The following SPTBN1 variants were observed in gnomAD, a reference collection of about 807,000 sequenced individuals.
The protein encoded by SPTBN1 is spectrin beta, non-erythrocytic 1, also known as spectrin beta chain, non-erythrocytic 1.
Under a neutral mutation model 266.4 loss-of-function variants are expected in SPTBN1, and 32 were observed. The ratio of observed to expected loss-of-function variants is 0.12; its 90% CI spans 0.09 to 0.16. SPTBN1 has a LOEUF of 0.16. Ranked by LOEUF, SPTBN1 falls within the 10% of genes least tolerant of loss-of-function variation. The pLI is 1.00. For synonymous variants in SPTBN1, 1,336 were observed against 1,162.2 expected (o/e 1.15, Z -3.04); for missense variants, 2,296 against 3,067.1 (o/e 0.75, Z 5.94).
At chr2:54,572,554 T>C (rs953048517) in intron 2 of SPTBN1, among the ~76,000 whole-genome samples, 1 of 152,218 alleles carries the variant, frequency 6.6e-6, no homozygotes, top group African/African-American at 2.4e-5. Context: ...GCAAACTTGG[T>C]CTTTTAAACT....
chr2:54,591,173 T>C (rs1398263065), intron 2 of SPTBN1, among the ~76,000 whole-genome samples: 1 of 152,240 alleles, frequency 6.6e-6, no homozygotes, highest in Non-Finnish European at 1.5e-5. Flanking sequence ...GACTTTATCT[T>C]AGACACAGAG....
At chr2:54,503,445 C>G (rs1669382692) in intron 1 of SPTBN1, among the ~76,000 whole-genome samples, 2 of 152,226 alleles carry the variant, frequency 1.3e-5, no homozygotes, top group South Asian at 2.1e-4. Flanking sequence ...ACAAGATGCT[C>G]TTCAGAGAAA....
At chr2:54,534,808 C>G (rs747017173) in intron 2 of SPTBN1, among the ~76,000 whole-genome samples, 23 of 152,176 alleles carry the variant, frequency 1.5e-4, no homozygotes, top group Non-Finnish European at 2.6e-4. Flanking sequence ...AGATGGAAGC[C>G]TCGTGCTCCC....
In SPTBN1 at chr2:54,540,285, A is replaced by C. The variant is rs1573373156; in HGVS notation, c.148+13719A>C. ...AATCCTGGAGTTTAATCTTTCTCCT[A>C]CCAGAATATTTGTCTTAGATTTTCA... On this transcript the variant is annotated intron_variant, in intron 2 of 35. Coordinates refer to ENST00000356805, the MANE Select transcript of SPTBN1 (RefSeq NM_003128.3). The surrounding 1 kb of genome is among the most constrained non-coding windows in gnomAD (Gnocchi z 5.6). Among the ~76,000 whole-genome samples, 2 of 152,156 alleles carry C rather than the reference A, an allele frequency of 1.3e-5. No homozygotes were observed. The highest frequency in any genetic ancestry group is 3.8e-4 in the East Asian group (2 of 5,200).
intron 2 of SPTBN1, chr2:54,527,317 T>C (rs1670877389): frequency 6.6e-6 from 1 of 152,254 alleles, no homozygotes; most frequent in Admixed American, 6.5e-5. Context: ...AGATGAAGTT[T>C]ATTCCAAATG....
rs878890988 is a variant in SPTBN1, at chr2:54,649,862, T to G, written c.5450T>G (p.Ile1817Ser). Residue 1817 changes from isoleucine (I) to serine (S), a missense_variant, in exon 26 of 36, where the codon ATC (isoleucine) becomes AGC (serine). Transcript: ENST00000356805. This position sits in a 1 kb window ranked among gnomAD's most constrained non-coding sequence, Gnocchi z 6.7. ...LHKFYHDAKE[I>S]FGRIQDKHKK... is the part of the protein sequence containing the mutation. ...AAGTTTTACCACGATGCCAAGGAGA[T>G]CTTTGGGCGTATACAGGACAAACAC... 2.5e-6 allele frequency: 4 copies of G among 1,613,972 alleles called. No homozygotes were observed. The highest frequency in any genetic ancestry group is 1.3e-5 in the African/African-American group (1 of 74,864).
chr2:54,606,305 C>T (rs549431864), intron 3 of SPTBN1, among the ~76,000 whole-genome samples: 3 of 152,262 alleles, frequency 2.0e-5, no homozygotes, highest in Non-Finnish European at 4.4e-5. Context: ...TCCACACTGT[C>T]GCCTCCACCC....
chr2:54,471,800 A>ATT (rs56043354), intron 1 of SPTBN1, among the ~76,000 whole-genome samples: 6 of 102,718 alleles, frequency 5.8e-5, no homozygotes, highest in African/African-American at 1.5e-4. Flanking sequence ...TTTTTTATCG[A>ATT]TTTTTTTTTT....
intron 1 of SPTBN1, among the ~76,000 whole-genome samples, chr2:54,464,676 T>A (rs1028821584): frequency 6.6e-6 from 1 of 152,078 alleles, no homozygotes; most frequent in African/African-American, 2.4e-5. Flanking sequence ...GGAACTTTTT[T>A]TTGTTTTATT....
intron 1 of SPTBN1, among the ~76,000 whole-genome samples, chr2:54,493,254 C>A (rs890978453): frequency 1.3e-5 from 2 of 152,100 alleles, no homozygotes; most frequent in African/African-American, 4.8e-5. Context: ...AATCCTCCCA[C>A]CTCAGCCTCC....
At position 54,671,350 on chromosome 2, in the gene SPTBN1, CTG is replaced by C. The variant is rs986023145; in HGVS notation, c.*2783_*2784del. The C allele has an allele frequency of 2.8e-4, 43 of 152,190 alleles. No individual in the cohort carries two copies. Among genetic ancestry groups the C allele is most frequent in the African/African-American group, 1.0e-3 (43 of 41,422 alleles). 9.4% of individuals were successfully genotyped at this position (152,190 alleles called of 1,614,324 possible). On this transcript the variant is annotated 3_prime_UTR_variant, in exon 36 of 36. Transcript: ENST00000356805. ...TTGTCATTTCACCAAGTTCCTGGAA[CTG>C]TTAGAATTGCTTGTGTATGGGGATC... is the stretch of plus-strand genomic sequence containing the variant.
Position 54,487,832 on chromosome 2 carries a change from C to CTCTTTTTTTTTTTTTT in SPTBN1, c.-48+31315_-48+31316insCTTTTTTTTTTTTTTT, listed in dbSNP as rs1426296541. 2.2e-4 allele frequency among the ~76,000 whole-genome samples: 15 copies of CTCTTTTTTTTTTTTTT among 68,644 alleles called. 1 individual carries two copies. Among genetic ancestry groups the CTCTTTTTTTTTTTTTT allele is most frequent in the South Asian group, 1.4e-3 (2 of 1,430 alleles). The allele number at this position is 68,644 out of a possible 152,430, so 45.0% of individuals were successfully genotyped here. On this transcript the variant is annotated intron_variant, in intron 1 of 35. Coordinates refer to ENST00000356805, the MANE Select transcript of SPTBN1 (RefSeq NM_003128.3). ...TTCACTTGATGGTCTCCTCCTGTGT[C>CTCTTTTTTTTTTTTTT]TTTTTTTTTTTTTTTGAGACGGAGT...
At chr2:54,659,819 A>G in intron 31 of SPTBN1, 117 bp from the exon 32 acceptor site, 1 of 1,459,226 alleles carries the variant, frequency 6.9e-7, no homozygotes, top group Admixed American at 2.8e-5. Context: ...GAATTAAATT[A>G]TGTGAAAAGG....
chr2:54,531,949 C>T (rs767270968), intron 2 of SPTBN1, among the ~76,000 whole-genome samples: 1 of 152,034 alleles, frequency 6.6e-6, no homozygotes, highest in African/African-American at 2.4e-5. Context: ...TAAGAAACCT[C>T]AAGTCTTCAG....
chr2:54,477,321 G>A (rs1043420456), intron 1 of SPTBN1, among the ~76,000 whole-genome samples: 3 of 151,270 alleles, frequency 2.0e-5, no homozygotes, highest in South Asian at 4.2e-4. Flanking sequence ...CCCAACCCCC[G>A]TTTTGTAACT....
intron 1 of SPTBN1, among the ~76,000 whole-genome samples, chr2:54,462,596 T>G (rs184263691): frequency 6.6e-6 from 1 of 152,324 alleles, no homozygotes; most frequent in South Asian, 2.1e-4. Flanking sequence ...GAAGTTGTTA[T>G]GGTTTTGTGG....
At chr2:54,579,244 T>A (rs1033262871) in intron 2 of SPTBN1, among the ~76,000 whole-genome samples, 3 of 152,120 alleles carry the variant, frequency 2.0e-5, no homozygotes, top group Admixed American at 2.0e-4. Context: ...TGACGGCACA[T>A]AGAATGAAGT....
chr2:54,601,379 T>A (rs934295126), intron 3 of SPTBN1, among the ~76,000 whole-genome samples: 6 of 152,180 alleles, frequency 3.9e-5, no homozygotes, highest in Admixed American at 3.3e-4. Context: ...GTCTGTTTGG[T>A]TCATGGAACT....
Position 54,657,877 on chromosome 2 carries a change from A to T in SPTBN1, c.6074A>T (p.Asp2025Val). The T allele has an allele frequency of 6.2e-7, 1 of 1,614,196 alleles. No individual in the cohort carries two copies. Among genetic ancestry groups the T allele is most frequent in the Non-Finnish European group, 8.5e-7 (1 of 1,180,042 alleles). ...CTGGAGGTCCATCAGTTCTCAAGAGACGCCAGTGTGGCCGAGGCCTGGCTG... is the reference window on the plus strand; with the variant it reads ...CTGGAGGTCCATCAGTTCTCAAGAGTCGCCAGTGTGGCCGAGGCCTGGCTG... ...LILEVHQFSRDASVAEAWLLG... is the reference protein window; with the variant it reads ...LILEVHQFSRVASVAEAWLLG... Residue 2025 changes from aspartate (D) to valine (V), a missense_variant, in exon 30 of 36, where the codon GAC becomes GTC. By Grantham distance (152) the Asp-to-Val change is radical (BLOSUM62 -3). Coordinates refer to ENST00000356805, the MANE Select transcript of SPTBN1 (RefSeq NM_003128.3).
Sources: allele counts gnomAD v4.1 joint callset (sites outside exome capture counted in the v4.1 genomes callset), GRCh38; gene constraint gnomAD v4.1.1; non-coding constraint Gnocchi (gnomAD v3.1); transcripts MANE v1.5; gene names NCBI Gene and HGNC (gene_info 2026-07-23, HGNC 2026-07-21).